AGK: variants seen among roughly 807,000 people sequenced by gnomAD.
The protein encoded by AGK is acylglycerol kinase, mitochondrial.
A neutral mutation model predicts 66.4 loss-of-function variants in AGK; 52 were observed. That is an observed-to-expected ratio of 0.78 (90% CI 0.63 to 0.99). The LOEUF (loss-of-function observed/expected upper bound fraction) is 0.99, where lower values mean the gene tolerates loss of function less well. Ranked by LOEUF, AGK falls within the 50% of genes least tolerant of loss-of-function variation. The probability of loss-of-function intolerance (pLI) is 0.00; values close to 1 mark genes in which losing one functional copy is unlikely to be tolerated. For synonymous variants in AGK, 182 were observed against 181.1 expected (o/e 1.00, Z -0.04); for missense variants, 451 against 506.6 (o/e 0.89, Z 1.05).
intron 9 of AGK, among the ~76,000 whole-genome samples, chr7:141,622,303 C>A (rs1390764364): frequency 6.6e-6 from 1 of 152,066 alleles, no homozygotes; most frequent in Non-Finnish European, 1.5e-5. Flanking sequence ...TATCTTTGAC[C>A]TCTTTGTTAT....
At chr7:141,621,210 G>A (rs780433511) in intron 8 of AGK, among the ~76,000 whole-genome samples, 1 of 152,002 alleles carries the variant, frequency 6.6e-6, no homozygotes, top group Non-Finnish European at 1.5e-5. Context: ...AGATAAGAAC[G>A]GTCTGTGTTC....
chr7:141,621,682 G>A, intron 8 of AGK, 50 bp from the exon 9 acceptor site: 1 of 1,232,366 alleles, frequency 8.1e-7, no homozygotes, highest in Admixed American at 1.7e-5. Flanking sequence ...GTGTGGTGGG[G>A]GAGATGTTGC....
chr7:141,579,776 C>T (rs1358657909), intron 2 of AGK, among the ~76,000 whole-genome samples: 6 of 151,970 alleles, frequency 3.9e-5, no homozygotes, highest in Admixed American at 6.5e-5. Flanking sequence ...TATGAAATGA[C>T]GACAGAATAG....
rs112461140 is a variant in AGK at position 141,601,891 on chromosome 7, T to C, written c.297+611T>C. Among the ~76,000 whole-genome samples the C allele has an allele frequency of 2.9e-3, 440 of 152,324 alleles. 4 individuals are homozygous for C. The highest frequency in any genetic ancestry group is 9.8e-3 in the African/African-American group (408 of 41,570). ...GTCTGTTGACCAATTTCTAATATTGTACACTTCCAGGAAATCATAGAAGTT... is the reference window on the plus strand; with the variant it reads ...GTCTGTTGACCAATTTCTAATATTGCACACTTCCAGGAAATCATAGAAGTT... On this transcript the variant is annotated intron_variant, in intron 5 of 15. Transcript: ENST00000649286.
chr7:141,614,563 A>G (rs1796666307), intron 7 of AGK, among the ~76,000 whole-genome samples: 1 of 146,402 alleles, frequency 6.8e-6, no homozygotes, highest in Non-Finnish European at 1.5e-5. Flanking sequence ...TTTGAATAAA[A>G]AAAAAAGCAG....
intron 9 of AGK, among the ~76,000 whole-genome samples, chr7:141,624,639 T>A (rs1303749561): frequency 6.6e-6 from 1 of 152,208 alleles, no homozygotes; most frequent in Non-Finnish European, 1.5e-5. Flanking sequence ...AAGATGTGAT[T>A]GAAATGCTTC....
rs967425062 is a variant in AGK, at chr7:141,640,605, G to T, written c.727-643G>T. On this transcript the variant is annotated intron_variant, in intron 11 of 15. Transcript: ENST00000649286. ...GGAATAGTTCTGGGTGACATTAGGG[G>T]CCAGGATGTGGCCATGGAAATGGGT... Among the ~76,000 whole-genome samples the T allele has an allele frequency of 2.0e-5, 3 of 152,310 alleles. No homozygotes were observed. The East Asian group carries it at 5.8e-4, about 29-fold the overall frequency.
chr7:141,629,974 C>T (rs1419158350), intron 9 of AGK, among the ~76,000 whole-genome samples: 1 of 152,188 alleles, frequency 6.6e-6, no homozygotes, highest in African/African-American at 2.4e-5. Context: ...ATTGTGCTTC[C>T]TCTTTTGGAA....
chr7:141,552,331 A>G (rs929098470), intron 1 of AGK, among the ~76,000 whole-genome samples: 1 of 152,218 alleles, frequency 6.6e-6, no homozygotes, highest in African/African-American at 2.4e-5. Flanking sequence ...ATAATAGCCA[A>G]AGTCCTTAGT....
At chr7:141,634,086 G>GGCCT in intron 10 of AGK, 106 bp downstream of exon 10, 1 of 970,076 alleles carries the variant, frequency 1.0e-6, no homozygotes, top group Non-Finnish European at 1.6e-6. Context: ...AAATTTGGTG[G>GGCCT]GCCTGGAGGT....
chr7:141,590,698 A>G (rs1417756078), intron 2 of AGK, among the ~76,000 whole-genome samples: 1 of 152,184 alleles, frequency 6.6e-6, no homozygotes, highest in African/African-American at 2.4e-5. Flanking sequence ...AATTATTTTC[A>G]AGATATTTCG....
At chr7:141,639,779 G>C (rs1364396205) in intron 11 of AGK, among the ~76,000 whole-genome samples, 2 of 152,084 alleles carry the variant, frequency 1.3e-5, no homozygotes, top group African/African-American at 4.8e-5. Context: ...TGCTCCTTTG[G>C]GTGACTGCTT....
chr7:141,553,219 C>G (rs1008154245), intron 1 of AGK, among the ~76,000 whole-genome samples: 19 of 152,272 alleles, frequency 1.2e-4, no homozygotes, highest in African/African-American at 4.6e-4. Flanking sequence ...GGACACTAAT[C>G]CCTTTCATGG....
chr7:141,601,232 T>C lies in AGK; in HGVS notation c.249T>C (p.Asn83=), dbSNP rs2116934729. 6.2e-7 allele frequency: 1 copy of C among 1,613,090 alleles called. No individual in the cohort carries two copies. The highest frequency in any genetic ancestry group is 2.2e-5 in the East Asian group (1 of 44,808). ...KGKARTLFEK[N]AAPILHLSGM... is the part of the protein sequence containing the mutation. ...AAGCCAGGACTCTATTTGAAAAAAA[T>C]GCTGCCCCGATTTTACATTTATCTG... Residue 83 remains asparagine, a synonymous_variant, in exon 5 of 16, where the codon AAT becomes AAC. Coordinates refer to ENST00000649286, the MANE Select transcript of AGK (RefSeq NM_018238.4).
At chr7:141,621,875 A>G (rs1485513129) in intron 9 of AGK, 74 bp downstream of exon 9, 1 of 1,137,694 alleles carries the variant, frequency 8.8e-7, no homozygotes, top group African/African-American at 1.5e-5. Context: ...AATAAAATGT[A>G]GCAGTTCAAA....
Position 141,555,231 on chromosome 7 carries a change from G to C in AGK, c.-14-222G>C, listed in dbSNP as rs1379168850. On this transcript the variant is annotated intron_variant, in intron 1 of 15. Coordinates refer to ENST00000649286, the MANE Select transcript of AGK (RefSeq NM_018238.4). This position sits in a 1 kb window ranked among gnomAD's most constrained non-coding sequence, Gnocchi z 4.2. The stretch of plus-strand genomic sequence containing the variant: ...AGGTGGAAATACGTGAAGGAAGAAA[G>C]AAAGGTGGATGGATGTGTGGGTGGA... Among the ~76,000 whole-genome samples the C allele has an allele frequency of 6.6e-6, 1 of 152,154 alleles. No individual in the cohort carries two copies. The highest frequency in any genetic ancestry group is 1.5e-5 in the Non-Finnish European group (1 of 68,032).
chr7:141,637,170 G>A (rs192359970), intron 11 of AGK, among the ~76,000 whole-genome samples, 153 bp downstream of exon 11: 1 of 152,120 alleles, frequency 6.6e-6, no homozygotes, highest in Non-Finnish European at 1.5e-5. Flanking sequence ...TACAAATATA[G>A]AACGCATTCC....
chr7:141,628,661 C>T (rs1024152316), intron 9 of AGK, among the ~76,000 whole-genome samples: 6 of 152,086 alleles, frequency 3.9e-5, no homozygotes, highest in African/African-American at 1.4e-4. Flanking sequence ...GTGAGGAAGT[C>T]GAGGTGAGAT....
chr7:141,584,965 G>A (rs901070321), intron 2 of AGK, among the ~76,000 whole-genome samples: 1 of 152,204 alleles, frequency 6.6e-6, no homozygotes, highest in Non-Finnish European at 1.5e-5. Flanking sequence ...CTTGGGAGAG[G>A]TAAGAAGATA....
Sources: allele counts gnomAD v4.1 joint callset (sites outside exome capture counted in the v4.1 genomes callset), GRCh38; gene constraint gnomAD v4.1.1; non-coding constraint Gnocchi (gnomAD v3.1); transcripts MANE v1.5; gene names NCBI Gene and HGNC (gene_info 2026-07-23, HGNC 2026-07-21).